The following TNRC6A variants were observed in gnomAD, a reference collection of about 807,000 sequenced individuals.
The protein encoded by TNRC6A is trinucleotide repeat containing adaptor 6A, also known as trinucleotide repeat-containing gene 6A protein.
A neutral mutation model predicts 221.2 loss-of-function variants in TNRC6A; 44 were observed. The observed-to-expected ratio is 0.20, with a 90% CI of 0.16 to 0.26. TNRC6A has a LOEUF of 0.26. Ranked by LOEUF, TNRC6A falls within the 10% of genes least tolerant of loss-of-function variation. The pLI is 1.00. For synonymous variants in TNRC6A, 847 were observed against 838.5 expected, an observed-to-expected ratio of 1.01 and a Z score of -0.18; for missense variants, 2,199 against 2,404.4, an observed-to-expected ratio of 0.91 and a Z score of 1.79.
At chr16:24,640,145 A>G (rs1205233115) in intron 1 of TNRC6A, among the ~76,000 whole-genome samples, 1 of 152,214 alleles carries the variant, frequency 6.6e-6, no homozygotes, top group African/African-American at 2.4e-5. Context: ...CACGCCTATA[A>G]TCCCAGCACT....
chr16:24,705,443 T>G (rs1247522749), intron 2 of TNRC6A, among the ~76,000 whole-genome samples: 2 of 152,184 alleles, frequency 1.3e-5, no homozygotes, highest in Non-Finnish European at 2.9e-5. Flanking sequence ...GTGATTCTCC[T>G]GCCTCAGCCT....
intron 3 of TNRC6A, among the ~76,000 whole-genome samples, chr16:24,753,656 A>G (rs1287460759): frequency 6.6e-6 from 1 of 152,226 alleles, no homozygotes; most frequent in Non-Finnish European, 1.5e-5. Flanking sequence ...GTTTCCTGGA[A>G]CTTGTCTTTT....
At chr16:24,711,142 T>C (rs923301426) in intron 2 of TNRC6A, among the ~76,000 whole-genome samples, 1 of 152,238 alleles carries the variant, frequency 6.6e-6, no homozygotes. Flanking sequence ...CCCAAACTGC[T>C]GGGATTACAG....
intron 2 of TNRC6A, among the ~76,000 whole-genome samples, chr16:24,645,580 GA>G (rs1902236111): frequency 6.6e-6 from 1 of 151,822 alleles, no homozygotes; most frequent in Admixed American, 6.6e-5. Flanking sequence ...TATTAACATG[GA>G]ATGTAAAAGG....
In TNRC6A at chr16:24,623,952, A is replaced by G. The variant is rs917288570; in HGVS notation, n.276+13468A>G. On this transcript the variant is annotated intron_variant and non_coding_transcript_variant, in intron 1 of 2. Coordinates refer to the TNRC6A transcript ENST00000566108. ...AAAAGAATTTCAAGAGGATGGCAAC[A>G]GCATTAGCATTAAAGCAAATGGTTC... 6.7e-5 allele frequency among the ~76,000 whole-genome samples: 10 copies of G among 150,132 alleles called. No homozygotes were observed. In the Admixed American group the frequency reaches 6.7e-4, roughly 10 times the overall value.
At chr16:24,742,256 G>T (rs1353347504) in intron 2 of TNRC6A, among the ~76,000 whole-genome samples, 1 of 152,138 alleles carries the variant, frequency 6.6e-6, no homozygotes, top group Non-Finnish European at 1.5e-5. Context: ...GATGATGAAG[G>T]CTTCAGAGAA....
intron 6 of TNRC6A, among the ~76,000 whole-genome samples, chr16:24,792,309 AG>A (rs1243658592): frequency 3.3e-5 from 5 of 152,198 alleles, no homozygotes; most frequent in Non-Finnish European, 5.9e-5. Flanking sequence ...ATACCTTTCT[AG>A]TATATCCTTA....
intron 1 of TNRC6A, among the ~76,000 whole-genome samples, chr16:24,612,751 GA>G (rs1201304660): frequency 4.0e-5 from 6 of 150,870 alleles, no homozygotes; most frequent in Admixed American, 1.3e-4. Flanking sequence ...GTCTCAAAGA[GA>G]AAAAAAATAG....
chr16:24,662,123 G>T (rs914657883), intron 2 of TNRC6A: 2 of 151,900 alleles, frequency 1.3e-5, no homozygotes, highest in Non-Finnish European at 2.9e-5. Flanking sequence ...GAAATTCCAC[G>T]TATAAAAATT....
At chr16:24,671,345 A>G (rs1030611705) in intron 2 of TNRC6A, among the ~76,000 whole-genome samples, 1 of 152,210 alleles carries the variant, frequency 6.6e-6, no homozygotes, top group South Asian at 2.1e-4. Flanking sequence ...CAGGAGGGGC[A>G]TAAGACATTC....
chr16:24,696,728 C>CA lies in TNRC6A; in HGVS notation n.403-53981dup, dbSNP rs1251210834. Among the ~76,000 whole-genome samples the CA allele has an allele frequency of 2.1e-3, 94 of 45,116 alleles. 1 individual carries two copies. The highest frequency in any genetic ancestry group is 2.9e-3 in the Non-Finnish European group (82 of 28,334). The allele number at this position is 45,116 out of a possible 152,430, so 29.6% of individuals were successfully genotyped here. On this transcript the variant is annotated intron_variant and non_coding_transcript_variant, in intron 2 of 2. Transcript: ENST00000566108. ...TGGGCAACAGAGCGAGACCCTGTCT[C>CA]AAAAAAAAAAAAAAAAAGAAAGGAA...
At chr16:24,657,355 GAAAC>G (rs1023799022) in intron 2 of TNRC6A, among the ~76,000 whole-genome samples, 36 of 115,688 alleles carry the variant, frequency 3.1e-4, no homozygotes, top group South Asian at 5.8e-4. Flanking sequence ...AACAAACAAA[GAAAC>G]AAACAAACAA....
chr16:24,637,839 G>T (rs963143889), intron 1 of TNRC6A, among the ~76,000 whole-genome samples: 17 of 152,190 alleles, frequency 1.1e-4, no homozygotes, highest in African/African-American at 3.9e-4. Context: ...AGGCTGGAGT[G>T]CAGTGGCCTG....
chr16:24,807,753 A>AT (rs1262333443), intron 17 of TNRC6A, among the ~76,000 whole-genome samples: 1 of 149,168 alleles, frequency 6.7e-6, no homozygotes, highest in Non-Finnish European at 1.5e-5. Flanking sequence ...CCTTGATTAT[A>AT]TTTTAACCAT....
At position 24,790,884 on chromosome 16, in the gene TNRC6A, A is replaced by C; in HGVS notation, c.2242A>C (p.Asn748His). ...TSPRGERKTD[N>H]GTEAWGSSAT... is the part of the protein sequence containing the mutation. Reference sequence around the variant, plus strand: ...ACCTAGAGGGGAACGAAAGACTGACAATGGGACAGAGGCCTGGGGAAGCTC... The same window carrying C: ...ACCTAGAGGGGAACGAAAGACTGACCATGGGACAGAGGCCTGGGGAAGCTC... The change falls in exon 6 of 25, where the codon AAT (asparagine) becomes CAT (histidine). Residue 748 changes from asparagine to histidine, a missense_variant. Physicochemically the swap from Asn to His is moderately conservative, Grantham distance 68. Transcript: ENST00000395799. 6.2e-7 allele frequency: 1 copy of C among 1,614,184 alleles called. No individual in the cohort carries two copies. Among genetic ancestry groups the C allele is most frequent in the Non-Finnish European group, 8.5e-7 (1 of 1,180,036 alleles).
chr16:24,751,014 A>G (rs1348813009), intron 3 of TNRC6A, among the ~76,000 whole-genome samples: 1 of 152,208 alleles, frequency 6.6e-6, no homozygotes, highest in African/African-American at 2.4e-5. Context: ...AATCTTGTCA[A>G]TAGTTTTTCA....
At chr16:24,678,172 G>A (rs1596656947) in intron 2 of TNRC6A, among the ~76,000 whole-genome samples, 1 of 151,962 alleles carries the variant, frequency 6.6e-6, no homozygotes, top group Non-Finnish European at 1.5e-5. Flanking sequence ...TTAGCCAGAG[G>A]TAGTGGTGCA....
intron 2 of TNRC6A, among the ~76,000 whole-genome samples, chr16:24,644,163 T>C (rs1902151514): frequency 1.4e-5 from 2 of 138,170 alleles, no homozygotes; most frequent in African/African-American, 5.5e-5. Context: ...CTTGGCTCAC[T>C]GCAAGCTCTG....
chr16:24,789,111 T>C, intron 5 of TNRC6A, 121 bp from the exon 6 acceptor site: 2 of 1,009,108 alleles, frequency 2.0e-6, no homozygotes, highest in Non-Finnish European at 2.8e-6. Flanking sequence ...CCAAGGATCA[T>C]AGCTTGTTAA....
Sources: allele counts gnomAD v4.1 joint callset (sites outside exome capture counted in the v4.1 genomes callset), GRCh38; gene constraint gnomAD v4.1.1; transcripts MANE v1.5; gene names NCBI Gene and HGNC (gene_info 2026-07-23, HGNC 2026-07-21).